The following NBPF15 variants were observed in gnomAD, a reference collection of about 807,000 sequenced individuals.
NBPF15 encodes NBPF member 15, also known as NBPF family member NBPF15.
A neutral mutation model predicts 62.2 loss-of-function variants in NBPF15; 74 were observed. The observed-to-expected ratio is 1.19, with a 90% confidence interval of 0.99 to 1.44. NBPF15 has a LOEUF of 1.44. NBPF15 is among the 40% of genes most tolerant of loss of function. The pLI is 0.00. For synonymous variants in NBPF15, 244 were observed against 209.7 expected, an observed-to-expected ratio of 1.16 and a Z score of -1.41; for missense variants, 790 against 550.0, an observed-to-expected ratio of 1.44 and a Z score of -4.36.
At chr1:144,447,670 T>C (rs1688553891) in intron 6 of NBPF15, among the ~76,000 whole-genome samples, 1 of 151,988 alleles carries the variant, frequency 6.6e-6, no homozygotes. Context: ...CAGGTGACAC[T>C]AATATCCCCA....
chr1:144,423,668 C>A (rs1667409988), intron 21 of NBPF15, among the ~76,000 whole-genome samples: 1 of 151,962 alleles, frequency 6.6e-6, no homozygotes, highest in African/African-American at 2.4e-5. Context: ...GAAGTATGGT[C>A]AACCTATGGT....
chr1:144,425,649 A>C (rs1669215051), intron 18 of NBPF15, 81 bp from the exon 19 acceptor site: 1 of 592,450 alleles, frequency 1.7e-6, no homozygotes, highest in African/African-American at 2.4e-5. Context: ...ATCCCCACAC[A>C]GGGATCTCAG....
intron 6 of NBPF15, among the ~76,000 whole-genome samples, chr1:144,442,340 A>C (rs1278194293): frequency 7.7e-6 from 1 of 130,282 alleles, no homozygotes; most frequent in African/African-American, 3.0e-5. Context: ...CACGTGTGCC[A>C]TGTATATATA....
intron 21 of NBPF15, 42 bp downstream of exon 21, chr1:144,423,828 G>A (rs1490245212): frequency 1.7e-5 from 13 of 762,076 alleles, no homozygotes; most frequent in Non-Finnish European, 3.1e-5. Context: ...TTGCCTCCAG[G>A]TGTTAACACA....
intron 4 of NBPF15, among the ~76,000 whole-genome samples, chr1:144,451,559 C>G (rs1410379138): frequency 3.9e-5 from 6 of 151,920 alleles, no homozygotes; most frequent in Admixed American, 3.9e-4. Flanking sequence ...GGCAGAGGTC[C>G]CTGCAGTCTT....
intron 4 of NBPF15, among the ~76,000 whole-genome samples, chr1:144,451,234 C>T (rs1690905991): frequency 6.6e-6 from 1 of 151,922 alleles, no homozygotes; most frequent in African/African-American, 2.4e-5. Context: ...AGAAACATCT[C>T]AATGCCTTAA....
chr1:144,422,906 C>A lies in NBPF15; in HGVS notation c.*107G>T. On this transcript the variant is annotated 3_prime_UTR_variant, in exon 22 of 22. Coordinates refer to ENST00000581897, the MANE Select transcript of NBPF15 (RefSeq NM_001385408.1). ...TAGGAATAGAGCCATGCTCACTGACCCATCCTATGTCTGGGCTTCCAAATG... is the reference window on the plus strand; with the variant it reads ...TAGGAATAGAGCCATGCTCACTGACACATCCTATGTCTGGGCTTCCAAATG... The A allele has an allele frequency of 1.2e-6, 2 of 1,609,196 alleles. No individual in the cohort carries two copies. Among genetic ancestry groups the A allele is most frequent in the Middle Eastern group, 2.3e-4 (1 of 4,426 alleles).
chr1:144,445,677 T>C (rs1202019148), intron 6 of NBPF15, among the ~76,000 whole-genome samples: 1 of 151,284 alleles, frequency 6.6e-6, no homozygotes, highest in Non-Finnish European at 1.5e-5. Context: ...GGAATTATTA[T>C]TAGAATTGCA....
intron 6 of NBPF15, among the ~76,000 whole-genome samples, chr1:144,446,032 T>A (rs1349656872): frequency 3.3e-5 from 5 of 149,778 alleles, no homozygotes; most frequent in Non-Finnish European, 7.4e-5. Context: ...ATTTTTTGTA[T>A]TTTTAGTAGA....
At chr1:144,458,697 G>C (rs1481881005) in intron 3 of NBPF15, among the ~76,000 whole-genome samples, 1 of 151,880 alleles carries the variant, frequency 6.6e-6, no homozygotes, top group African/African-American at 2.4e-5. Context: ...GAAAAGGATA[G>C]TCTTTTCAAT....
intron 12 of NBPF15, among the ~76,000 whole-genome samples, chr1:144,434,825 G>T (rs9438154): frequency 3.9e-5 from 6 of 151,952 alleles, no homozygotes; most frequent in African/African-American, 1.5e-4. Flanking sequence ...GATGACAAGA[G>T]ATACTGAATC....
intron 16 of NBPF15, among the ~76,000 whole-genome samples, chr1:144,427,365 T>C (rs1440287433): frequency 0.011 from 1,428 of 129,008 alleles, 17 homozygotes; most frequent in Non-Finnish European, 0.016. Flanking sequence ...TTATGCCATA[T>C]TTTTCCAATC....
At chr1:144,443,928 C>A (rs1257804143) in intron 6 of NBPF15, among the ~76,000 whole-genome samples, 58 of 151,090 alleles carry the variant, frequency 3.8e-4, no homozygotes, top group African/African-American at 1.4e-3. Flanking sequence ...CAACCCTCAG[C>A]CCCAAGGAGC....
chr1:144,423,287 C>G, intron 21 of NBPF15, 31 bp from the exon 22 acceptor site: 12 of 1,611,024 alleles, frequency 7.4e-6, no homozygotes, highest in Non-Finnish European at 9.3e-6. Flanking sequence ...AAAGAAGCAG[C>G]CAGGGAAAAT....
intron 4 of NBPF15, among the ~76,000 whole-genome samples, 168 bp downstream of exon 4, chr1:144,456,369 C>T (rs1647822982): frequency 6.6e-6 from 1 of 152,012 alleles, no homozygotes; most frequent in South Asian, 2.1e-4. Context: ...GTGGCACACG[C>T]TGTGAATATT....
Position 144,440,287 on chromosome 1 carries a change from G to A in NBPF15, c.-182C>T. ...GAGGTAGATTGTGGCCAGCGTGCCAGGTAACCGTCTGCAGTTGCAATAACA... is the reference window on the plus strand; with the variant it reads ...GAGGTAGATTGTGGCCAGCGTGCCAAGTAACCGTCTGCAGTTGCAATAACA... On this transcript the variant is annotated 5_prime_UTR_variant, in exon 7 of 22. Transcript: ENST00000581897. The A allele has an allele frequency of 6.8e-7, 1 of 1,462,718 alleles. No individual in the cohort carries two copies. Among genetic ancestry groups the A allele is most frequent in the Non-Finnish European group, 9.1e-7 (1 of 1,093,704 alleles). The allele number at this position is 1,462,718 out of a possible 1,614,324, so 90.6% of individuals were successfully genotyped here.
At chr1:144,445,334 T>TATATATATAC (rs1228879755) in intron 6 of NBPF15, among the ~76,000 whole-genome samples, 83 of 106,874 alleles carry the variant, frequency 7.8e-4, no homozygotes, top group African/African-American at 3.8e-3. Flanking sequence ...AAACGGTGAA[T>TATATATATAC]ATATATATAT....
intron 6 of NBPF15, among the ~76,000 whole-genome samples, chr1:144,448,374 C>T (rs782450524): frequency 1.1e-4 from 17 of 152,128 alleles, no homozygotes; most frequent in East Asian, 3.9e-4. Context: ...AGATAAGACA[C>T]TCTTGGGTTG....
At chr1:144,442,250 T>C (rs1229134933) in intron 6 of NBPF15, among the ~76,000 whole-genome samples, 3 of 119,074 alleles carry the variant, frequency 2.5e-5, no homozygotes, top group East Asian at 4.5e-4. Flanking sequence ...ATTATTAATA[T>C]AGATGTAGGC....
Sources: allele counts gnomAD v4.1 joint callset (sites outside exome capture counted in the v4.1 genomes callset), GRCh38; gene constraint gnomAD v4.1.1; transcripts MANE v1.5; gene names NCBI Gene and HGNC (gene_info 2026-07-23, HGNC 2026-07-21).